RPS6KA5: variants seen among roughly 807,000 people sequenced by gnomAD.
RPS6KA5 encodes the protein ribosomal protein S6 kinase alpha-5.
RPS6KA5 carries 27 observed loss-of-function variants against 85.5 expected under a neutral mutation model. That is an observed-to-expected ratio of 0.32 (90% CI 0.23 to 0.44). The LOEUF is 0.44. Ranked by LOEUF, RPS6KA5 falls within the 20% of genes least tolerant of loss-of-function variation. The pLI, the probability that RPS6KA5 is intolerant of heterozygous loss-of-function variation, is 1.00. For synonymous variants in RPS6KA5, 334 were observed against 348.2 expected, an observed-to-expected ratio of 0.96 and a Z score of 0.46; for missense variants, 811 against 980.9, an observed-to-expected ratio of 0.83 and a Z score of 2.31.
intron 7 of RPS6KA5, chr14:90,911,534 T>C (rs1006442740): frequency 6.6e-6 from 1 of 152,152 alleles, no homozygotes; most frequent in African/African-American, 2.4e-5. Context: ...CCTGCCTGAG[T>C]TAGAAACAGC....
chr14:90,888,824 C>A (rs996020314), intron 14 of RPS6KA5, among the ~76,000 whole-genome samples: 8 of 152,106 alleles, frequency 5.3e-5, no homozygotes, highest in Non-Finnish European at 7.4e-5. Context: ...CTGTTTAAAT[C>A]CTTCTAAAAA....
At chr14:90,955,568 T>G (rs762642755) in intron 3 of RPS6KA5, among the ~76,000 whole-genome samples, 1 of 152,222 alleles carries the variant, frequency 6.6e-6, no homozygotes, top group East Asian at 1.9e-4. Flanking sequence ...AAATTTCTTT[T>G]TGTTATTGAT....
At chr14:90,926,777 A>G (rs1036180578) in intron 5 of RPS6KA5, among the ~76,000 whole-genome samples, 2 of 152,026 alleles carry the variant, frequency 1.3e-5, no homozygotes, top group African/African-American at 4.8e-5. Flanking sequence ...AAAATAAAGC[A>G]TTTTAAGACA....
chr14:90,904,590 GTATA>G (rs1455792171), intron 8 of RPS6KA5, among the ~76,000 whole-genome samples: 2 of 152,044 alleles, frequency 1.3e-5, no homozygotes, highest in Non-Finnish European at 2.9e-5. Context: ...CTTGGCCATT[GTATA>G]TATATTAAAA....
Position 90,960,452 on chromosome 14 carries a change from G to T in RPS6KA5, c.395-12902C>A, listed in dbSNP as rs907207029. Among the ~76,000 whole-genome samples the T allele has an allele frequency of 2.6e-5, 4 of 151,398 alleles. No individual in the cohort carries two copies. The South Asian group carries it at 8.4e-4, about 32-fold the overall frequency. ...TAGAGTTAGCAGTGGCATCAAAGTGGTCAGTGATATCATGACCACCCAGAT... is the reference window on the plus strand; with the variant it reads ...TAGAGTTAGCAGTGGCATCAAAGTGTTCAGTGATATCATGACCACCCAGAT... On this transcript the variant is annotated intron_variant, in intron 3 of 16. Coordinates refer to ENST00000614987, the MANE Select transcript of RPS6KA5 (RefSeq NM_004755.4).
At chr14:90,874,298 T>A (rs915340877) in intron 15 of RPS6KA5, among the ~76,000 whole-genome samples, 1 of 152,288 alleles carries the variant, frequency 6.6e-6, no homozygotes, top group Non-Finnish European at 1.5e-5. Flanking sequence ...CACAGTGTGT[T>A]AGCAGGCCTG....
chr14:91,011,366 G>A (rs190955400), intron 1 of RPS6KA5, among the ~76,000 whole-genome samples: 52 of 152,108 alleles, frequency 3.4e-4, no homozygotes, highest in Non-Finnish European at 1.5e-4. Flanking sequence ...GGCGCCTGTA[G>A]TCCCAGCTAC....
chr14:91,007,944 C>G (rs990351664), intron 1 of RPS6KA5, among the ~76,000 whole-genome samples: 4 of 152,118 alleles, frequency 2.6e-5, no homozygotes, highest in African/African-American at 9.7e-5. Context: ...ATTGTTAACC[C>G]TTGGCATGGT....
intron 2 of RPS6KA5, among the ~76,000 whole-genome samples, chr14:90,991,203 CTG>C (rs1257508489): frequency 1.3e-5 from 2 of 152,136 alleles, no homozygotes; most frequent in Non-Finnish European, 2.9e-5. Flanking sequence ...TTTAGCAAGA[CTG>C]TATATTACGT....
At position 90,861,274 on chromosome 14, in the gene RPS6KA5, G is replaced by A. The variant is rs1403210765; in HGVS notation, c.*10800C>T. The A allele has an allele frequency of 1.3e-5, 2 of 150,754 alleles. No homozygotes were observed. Among genetic ancestry groups the A allele is most frequent in the African/African-American group, 2.4e-5 (1 of 41,228 alleles). The allele number at this position is 150,754 out of a possible 1,614,324, so 9.3% of individuals were successfully genotyped here. On this transcript the variant is annotated 3_prime_UTR_variant, in exon 17 of 17. Coordinates refer to ENST00000614987, the MANE Select transcript of RPS6KA5 (RefSeq NM_004755.4). ...GCGGTGGCTCACGCCTGTAATCCCA[G>A]CACTTTGGGAGGCCGAGGCGGGCGG...
Position 90,859,762 on chromosome 14 carries a change from T to C in RPS6KA5, c.*12312A>G, listed in dbSNP as rs2032452480. The C allele has an allele frequency of 6.6e-6, 1 of 152,114 alleles. No individual in the cohort carries two copies. The highest frequency in any genetic ancestry group is 1.5e-5 in the Non-Finnish European group (1 of 68,010). 9.4% of individuals were successfully genotyped at this position (152,114 alleles called of 1,614,324 possible). On this transcript the variant is annotated 3_prime_UTR_variant, in exon 17 of 17. Coordinates refer to ENST00000614987, the MANE Select transcript of RPS6KA5 (RefSeq NM_004755.4). ...TATTTGAAGAATGACTGGTTAAGAA[T>C]TCTAATAAGGAAGGACATCAACCAA...
At chr14:91,041,423 A>AT (rs1283971039) in intron 1 of RPS6KA5, among the ~76,000 whole-genome samples, 2 of 152,058 alleles carry the variant, frequency 1.3e-5, no homozygotes, top group African/African-American at 4.8e-5. Flanking sequence ...ATTTGAGATT[A>AT]TTTTTTTCTT....
At chr14:91,052,759 A>C (rs1167370070) in intron 1 of RPS6KA5, among the ~76,000 whole-genome samples, 3 of 150,262 alleles carry the variant, frequency 2.0e-5, no homozygotes, top group African/African-American at 7.4e-5. Context: ...GCGTGAACCC[A>C]GGAGGCAGAG....
At chr14:90,907,324 G>A (rs994941022) in intron 7 of RPS6KA5, among the ~76,000 whole-genome samples, 3 of 152,204 alleles carry the variant, frequency 2.0e-5, no homozygotes, top group Non-Finnish European at 1.5e-5. Context: ...CCCAACGCTG[G>A]CTCTGCCTTG....
rs76750653 is a variant in RPS6KA5, at chr14:90,877,812, A to C, written c.1837-2452T>G. Among the ~76,000 whole-genome samples, 388 of 152,300 alleles carry C rather than the reference A, an allele frequency of 2.5e-3. 12 individuals carry two copies. The East Asian group carries it at 0.068, about 27-fold the overall frequency. On this transcript the variant is annotated intron_variant, in intron 14 of 16. Coordinates refer to ENST00000614987, the MANE Select transcript of RPS6KA5 (RefSeq NM_004755.4). ...GGCTGCAAACAACTGCTTTGTCAAT[A>C]ACTAGCTTCGGGATGGGCAAATTCC...
intron 5 of RPS6KA5, among the ~76,000 whole-genome samples, chr14:90,934,191 T>A (rs181985372): frequency 2.0e-5 from 3 of 152,204 alleles, no homozygotes; most frequent in Non-Finnish European, 1.5e-5. Context: ...AACACTGAGA[T>A]AGAACAGTGC....
At chr14:91,034,532 A>G (rs1340570219) in intron 1 of RPS6KA5, among the ~76,000 whole-genome samples, 1 of 152,044 alleles carries the variant, frequency 6.6e-6, no homozygotes, top group Non-Finnish European at 1.5e-5. Context: ...TAGCTAAAGG[A>G]TTGTAAACGC....
intron 10 of RPS6KA5, 86 bp downstream of exon 10, chr14:90,900,525 C>T: frequency 7.4e-7 from 1 of 1,357,606 alleles, no homozygotes; most frequent in Non-Finnish European, 9.9e-7. Flanking sequence ...AGTTGAATTA[C>T]TAGACTTAAG....
At chr14:91,022,812 C>T (rs1160122530) in intron 1 of RPS6KA5, among the ~76,000 whole-genome samples, 11 of 152,218 alleles carry the variant, frequency 7.2e-5, no homozygotes, top group African/African-American at 2.4e-4. Flanking sequence ...ACTGTCCGGG[C>T]GTGGTTGCTC....
Sources: gnomAD v4.1 joint callset for allele counts (sites outside exome capture counted in the v4.1 genomes callset) on GRCh38, gnomAD v4.1.1 for gene constraint, MANE v1.5 for transcripts, NCBI Gene and HGNC (gene_info 2026-07-23, HGNC 2026-07-21) for gene names.